The following PSG1 variants were observed in gnomAD, a reference collection of about 807,000 sequenced individuals.
The protein encoded by PSG1 is pregnancy-specific beta-1-glycoprotein 1.
A neutral mutation model predicts 41.4 loss-of-function variants in PSG1; 60 were observed. The observed-to-expected ratio is 1.45, with a 90% CI of 1.18 to 1.80. The LOEUF (loss-of-function observed/expected upper bound fraction) is 1.80. Among genes scored for constraint, PSG1 ranks in the 40% most tolerant of loss-of-function variants. The pLI, the probability that PSG1 is intolerant of heterozygous loss-of-function variation, is 0.00. For missense variants in PSG1, 806 were observed against 516.9 expected (o/e 1.56, Z -5.42); for synonymous variants, 256 against 192.9 (o/e 1.33, Z -2.71).
chr19:42,872,648 C>T (rs1483334392), intron 2 of PSG1, among the ~76,000 whole-genome samples: 3 of 151,546 alleles, frequency 2.0e-5, no homozygotes, highest in Non-Finnish European at 1.5e-5. Context: ...CCAGGTGTCT[C>T]ATAGTGACTG....
rs1328901765 is a variant in PSG1 at position 42,867,874 on chromosome 19, A to G, written c.1243+227T>C. The G allele has an allele frequency of 1.8e-5, 25 of 1,376,800 alleles. 3 individuals are homozygous for G. The highest frequency in any genetic ancestry group is 2.4e-5 in the East Asian group (1 of 42,252). 85.3% of individuals were successfully genotyped at this position (1,376,800 alleles called of 1,614,324 possible). A position where few individuals can be genotyped will look rare whatever the true frequency, so the allele number is the denominator to read the frequency against. On this transcript the variant is annotated intron_variant, in intron 5 of 5. Coordinates refer to ENST00000436291, the MANE Select transcript of PSG1 (RefSeq NM_001184825.2). The stretch of plus-strand genomic sequence containing the variant: ...ATTATCAATTATTTCAATGAAATCA[A>G]TGTTCTTCCTGCTTGGTCTAGGCTG...
intron 2 of PSG1, among the ~76,000 whole-genome samples, chr19:42,874,348 C>T (rs1971516332): frequency 6.6e-6 from 1 of 150,444 alleles, no homozygotes; most frequent in Non-Finnish European, 1.5e-5. Flanking sequence ...ATTTCTCTAA[C>T]AGGGTTTTTT....
At chr19:42,872,147 A>G (rs1256289458) in intron 2 of PSG1, 102 bp from the exon 3 acceptor site, 19 of 1,460,902 alleles carry the variant, frequency 1.3e-5, no homozygotes, top group East Asian at 2.3e-5. Context: ...CAGCCCACCC[A>G]AGTCCTTAAA....
chr19:42,867,367 A>G (rs1033621899), intron 5 of PSG1: 6 of 596,540 alleles, frequency 1.0e-5, no homozygotes, highest in African/African-American at 7.4e-5. Context: ...GTAGCAATGG[A>G]CCATGTAGGC....
chr19:42,877,749 A>T (rs994552349), intron 2 of PSG1, among the ~76,000 whole-genome samples, 164 bp downstream of exon 2: 3 of 151,652 alleles, frequency 2.0e-5, no homozygotes, highest in African/African-American at 7.3e-5. Context: ...TGATCTGTTG[A>T]AATTTGTCTC....
chr19:42,871,214 G>T (rs1041343753), intron 3 of PSG1, among the ~76,000 whole-genome samples: 7 of 151,608 alleles, frequency 4.6e-5, no homozygotes, highest in Non-Finnish European at 1.0e-4. Context: ...GGGGTATAAA[G>T]AACACTTGTG....
chr19:42,872,540 G>C (rs1361164196), intron 2 of PSG1, among the ~76,000 whole-genome samples: 1 of 151,644 alleles, frequency 6.6e-6, no homozygotes, highest in Non-Finnish European at 1.5e-5. Flanking sequence ...AGCCTGGCCT[G>C]GGACTGGGTA....
At chr19:42,876,918 C>T (rs117786357) in intron 2 of PSG1, 7,545 of 151,944 alleles carry the variant, frequency 0.05, 377 homozygotes, top group Middle Eastern at 0.091. Flanking sequence ...CCTGTGGCTA[C>T]AGACAGACCT....
chr19:42,869,318 C>G, intron 3 of PSG1: 1 of 622,080 alleles, frequency 1.6e-6, no homozygotes, highest in Admixed American at 3.4e-5. Flanking sequence ...CCCCTGGTAC[C>G]CTTCCCAGGC....
rs1341295697 is a variant in PSG1, at chr19:42,867,079, G to T, written c.*55C>A. ...TTATAGGGCTTCTGGAACAGAGTGG[G>T]TCTTGCTCTTAGTGATTCCATGGGA... On this transcript the variant is annotated 3_prime_UTR_variant, in exon 6 of 6. Transcript: ENST00000436291. 1.3e-6 allele frequency: 1 copy of T among 772,752 alleles called. No homozygotes were observed. Among genetic ancestry groups the T allele is most frequent in the Non-Finnish European group, 2.4e-6 (1 of 417,566 alleles). 47.9% of individuals were successfully genotyped at this position (772,752 alleles called of 1,614,324 possible).
chr19:42,869,891 C>T (rs537697299), intron 3 of PSG1: 27 of 151,796 alleles, frequency 1.8e-4, no homozygotes, highest in African/African-American at 6.5e-4. Flanking sequence ...GAATGAACTG[C>T]TGGAAATCTG....
chr19:42,869,170 A>G, intron 3 of PSG1, 136 bp from the exon 4 acceptor site: 1 of 1,508,586 alleles, frequency 6.6e-7, no homozygotes, highest in Non-Finnish European at 8.9e-7. Context: ...TGCTTTTGTC[A>G]CAAGATAGAT....
rs780820404 is a variant in PSG1 at position 42,878,067 on chromosome 19, C to G, written c.276G>C (p.Gly92=). The change falls in exon 2 of 6, where the codon GGG becomes GGC. Residue 92 remains glycine (G), a synonymous_variant. Coordinates refer to ENST00000436291, the MANE Select transcript of PSG1 (RefSeq NM_001184825.2). ...YVVDGEIIIY[G]PAYSGRETAY... ...CTGTTTCTCGTCCACTATATGCAGG[C>G]CCATATATAATTATTTCACCGTCTA... The G allele has an allele frequency of 1.9e-6, 3 of 1,612,236 alleles. No individual in the cohort carries two copies. Among genetic ancestry groups the G allele is most frequent in the Non-Finnish European group, 2.5e-6 (3 of 1,179,154 alleles).
In PSG1 at chr19:42,871,600, G is replaced by C. The variant is rs112013588; in HGVS notation, c.709+167C>G. Among the ~76,000 whole-genome samples the C allele has an allele frequency of 1.5e-4, 22 of 151,708 alleles. 1 individual carries two copies. Among genetic ancestry groups the C allele is most frequent in the South Asian group, 4.2e-4 (2 of 4,752 alleles). The stretch of plus-strand genomic sequence containing the variant: ...CAGCCTCTTTTCTCCTATTGTTGAT[G>C]AAGCCTAGGTCTACTCTGGTTTGCC... On this transcript the variant is annotated intron_variant, in intron 3 of 5. Transcript: ENST00000436291.
intron 3 of PSG1, 140 bp from the exon 4 acceptor site, chr19:42,869,174 G>C: frequency 6.7e-7 from 1 of 1,497,914 alleles, no homozygotes; most frequent in Non-Finnish European, 8.9e-7. Context: ...TTTGTCACAA[G>C]ATAGATGCAT....
intron 5 of PSG1, chr19:42,867,828 C>A (rs2122485774): frequency 2.3e-6 from 3 of 1,305,512 alleles, no homozygotes; most frequent in Non-Finnish European, 3.2e-6. Flanking sequence ...AAATAAAAAT[C>A]ATAAAAACAT....
At position 42,876,089 on chromosome 19, in the gene PSG1, A is replaced by C. The variant is rs574771199; in HGVS notation, c.430+1824T>G. ...GGGAGGTGGGCCAGGCCACAGTGTT[A>C]GTGGGAAGGGAACTGAACAGCCAGA... is the stretch of plus-strand genomic sequence containing the variant. On this transcript the variant is annotated intron_variant, in intron 2 of 5. Transcript: ENST00000436291. Among the ~76,000 whole-genome samples, 53 of 151,406 alleles carry C rather than the reference A, an allele frequency of 3.5e-4. 1 individual carries two copies. The highest frequency in any genetic ancestry group is 1.3e-3 in the African/African-American group (53 of 41,262).
At chr19:42,868,475 C>A (rs965612526) in intron 4 of PSG1, 120 bp from the exon 5 acceptor site, 7 of 1,481,670 alleles carry the variant, frequency 4.7e-6, no homozygotes, top group South Asian at 1.4e-5. Context: ...CCAGCCCAAC[C>A]CCCTCTATGT....
chr19:42,879,022 C>G (rs879845818), intron 1 of PSG1, among the ~76,000 whole-genome samples: 1 of 151,590 alleles, frequency 6.6e-6, no homozygotes, highest in African/African-American at 2.4e-5. Context: ...ATCAGGAAAA[C>G]AGAACACTTA....
Sources: gnomAD v4.1 joint callset for allele counts (sites outside exome capture counted in the v4.1 genomes callset) on GRCh38, gnomAD v4.1.1 for gene constraint, MANE v1.5 for transcripts, NCBI Gene and HGNC (gene_info 2026-07-23, HGNC 2026-07-21) for gene names.